The following PPP1R9A variants were observed in gnomAD, a reference collection of about 807,000 sequenced individuals.
PPP1R9A encodes the protein protein phosphatase 1 regulatory subunit 9A, also known as neurabin-1.
Under a neutral mutation model 141.9 loss-of-function variants are expected in PPP1R9A, and 59 were observed. The observed-to-expected ratio is 0.42, with a 90% CI of 0.34 to 0.52. The LOEUF (loss-of-function observed/expected upper bound fraction) is 0.52, where lower values mean the gene tolerates loss of function less well. Among genes scored for constraint, PPP1R9A ranks in the 20% least tolerant of loss-of-function variants. The pLI is 0.10. For synonymous variants in PPP1R9A, 500 were observed against 569.7 expected (o/e 0.88, Z 1.74); for missense variants, 1,444 against 1,611.9 (o/e 0.90, Z 1.78).
At position 94,909,012 on chromosome 7, in the gene PPP1R9A, A is replaced by G. The variant is rs531376832; in HGVS notation, c.-216-886A>G. Among the ~76,000 whole-genome samples, 21 of 152,348 alleles carry G rather than the reference A, an allele frequency of 1.4e-4. No homozygotes were observed. The South Asian group carries it at 2.1e-3, about 15-fold the overall frequency. On this transcript the variant is annotated intron_variant, in intron 1 of 19. Transcript: ENST00000433360. ...CTGCCTGCATTGTCTGCTCCTCAGC[A>G]TATCTTGAAGTATTTGATTGCTGGC...
At chr7:94,953,946 TTTATTTCTTTCTCTTGCCTGA>T (rs1796776830) in intron 2 of PPP1R9A, among the ~76,000 whole-genome samples, 1 of 152,134 alleles carries the variant, frequency 6.6e-6, no homozygotes, top group African/African-American at 2.4e-5. Flanking sequence ...TTGAAGACCC[TTTATTTCTTTCTCTTGCCTGA>T]TTGTCCTGGC....
chr7:95,043,176 C>A (rs1002717484), intron 2 of PPP1R9A, among the ~76,000 whole-genome samples: 1 of 152,050 alleles, frequency 6.6e-6, no homozygotes, highest in African/African-American at 2.4e-5. Flanking sequence ...AAATTAAATT[C>A]TAGAGAGACT....
chr7:95,154,451 G>A (rs1829255173), intron 4 of PPP1R9A, among the ~76,000 whole-genome samples: 1 of 152,064 alleles, frequency 6.6e-6, no homozygotes, highest in African/African-American at 2.4e-5. Context: ...AGTCTACAAA[G>A]ATTCACTTTT....
chr7:95,004,585 A>G (rs988380465), intron 2 of PPP1R9A, among the ~76,000 whole-genome samples: 1 of 152,168 alleles, frequency 6.6e-6, no homozygotes, highest in African/African-American at 2.4e-5. Flanking sequence ...TATTAATATC[A>G]ATTCTGGATA....
At chr7:94,995,843 T>C (rs556259669) in intron 2 of PPP1R9A, among the ~76,000 whole-genome samples, 53 of 152,316 alleles carry the variant, frequency 3.5e-4, no homozygotes, top group Non-Finnish European at 5.9e-4. Flanking sequence ...TCTGAGACTC[T>C]GTGATTGGAT....
chr7:94,919,395 T>G (rs975393640), intron 2 of PPP1R9A, among the ~76,000 whole-genome samples: 2 of 148,690 alleles, frequency 1.3e-5, no homozygotes, highest in African/African-American at 4.9e-5. Flanking sequence ...CCCTCTTGCC[T>G]CACCCTCCCA....
chr7:95,268,580 G>T lies in PPP1R9A; in HGVS notation c.2696G>T (p.Arg899Leu), dbSNP rs372820941. The change falls in exon 13 of 20, where the codon CGC becomes CTC. Residue 899 changes from arginine (R) to leucine (L), a missense_variant. By Grantham distance (102) the Arg-to-Leu change is moderately radical. Coordinates refer to ENST00000433360, the MANE Select transcript of PPP1R9A (RefSeq NM_001166160.2). ...DLNEAVPETE[R>L]LDSKALKTRA... ...AATGAAGCAGTCCCAGAGACAGAGC[G>T]CCTGGATTCAAAAGCACTGAAAACT... is the stretch of plus-strand genomic sequence containing the variant. 6.2e-6 allele frequency: 10 copies of T among 1,613,138 alleles called. No homozygotes were observed. Among genetic ancestry groups the T allele is most frequent in the Admixed American group, 1.7e-5 (1 of 59,940 alleles).
chr7:95,217,561 G>C (rs929170050), intron 7 of PPP1R9A, among the ~76,000 whole-genome samples: 1 of 152,130 alleles, frequency 6.6e-6, no homozygotes, highest in Admixed American at 6.5e-5. Context: ...GCTCCTCCTT[G>C]TACCTCTGGT....
chr7:95,051,649 T>G (rs921419370), intron 2 of PPP1R9A, among the ~76,000 whole-genome samples: 1 of 152,154 alleles, frequency 6.6e-6, no homozygotes, highest in African/African-American at 2.4e-5. Context: ...AAAAGTATAC[T>G]ATTTTCTGGG....
At chr7:94,999,784 T>A (rs903065928) in intron 2 of PPP1R9A, among the ~76,000 whole-genome samples, 3 of 140,606 alleles carry the variant, frequency 2.1e-5, no homozygotes, top group African/African-American at 8.4e-5. Context: ...TTATTTTATT[T>A]ATTTATTTAT....
In PPP1R9A at chr7:94,910,957, G is replaced by A. The variant is rs141626295; in HGVS notation, c.844G>A (p.Val282Met). Residue 282 changes from valine (V) to methionine (M), a missense_variant, in exon 2 of 20, where the codon GTG becomes ATG. Val to Met is a conservative substitution (Grantham distance 21). Coordinates refer to ENST00000433360, the MANE Select transcript of PPP1R9A (RefSeq NM_001166160.2). The surrounding 1 kb of genome is among the most constrained non-coding windows in gnomAD (Gnocchi z 4.5). Reference sequence around the variant, plus strand: ...GAGTAATGCAACTCCAGTACCAGAAGTGGCTTCTAAAAGTACCTCTCTAGC... The same window carrying A: ...GAGTAATGCAACTCCAGTACCAGAAATGGCTTCTAAAAGTACCTCTCTAGC... Reference protein sequence around the residue: ...HKSNATPVPEVASKSTSLASI... With the variant: ...HKSNATPVPEMASKSTSLASI... The A allele has an allele frequency of 1.2e-6, 2 of 1,614,184 alleles. No individual in the cohort carries two copies. Among genetic ancestry groups the A allele is most frequent in the East Asian group, 4.5e-5 (2 of 44,890 alleles).
intron 2 of PPP1R9A, among the ~76,000 whole-genome samples, chr7:94,928,879 T>A (rs1054624670): frequency 6.6e-6 from 1 of 152,142 alleles, no homozygotes; most frequent in African/African-American, 2.4e-5. Context: ...CCACTCCAAT[T>A]ATTTTGTGAG....
chr7:95,273,030 C>T (rs1802455960), intron 14 of PPP1R9A, among the ~76,000 whole-genome samples: 1 of 152,168 alleles, frequency 6.6e-6, no homozygotes, highest in African/African-American at 2.4e-5. Context: ...TGGGTAGAGC[C>T]TGTCCGAGAT....
intron 2 of PPP1R9A, among the ~76,000 whole-genome samples, chr7:95,026,323 CAGTT>C (rs1329477235): frequency 2.6e-5 from 4 of 152,054 alleles, no homozygotes; most frequent in East Asian, 1.9e-4. Context: ...TTCCTTCTAA[CAGTT>C]AGGCCTCTCT....
chr7:95,075,387 G>C (rs1814684623), intron 2 of PPP1R9A, among the ~76,000 whole-genome samples: 1 of 152,102 alleles, frequency 6.6e-6, no homozygotes, highest in Non-Finnish European at 1.5e-5. Context: ...CTTAAGTTCA[G>C]AGTCTAGAAC....
At chr7:95,201,772 T>C (rs1585217353) in intron 6 of PPP1R9A, among the ~76,000 whole-genome samples, 1 of 152,234 alleles carries the variant, frequency 6.6e-6, no homozygotes, top group South Asian at 2.1e-4. Context: ...TTTACTTTTA[T>C]GATTTATAGA....
chr7:95,171,744 G>A (rs763238697), intron 5 of PPP1R9A, among the ~76,000 whole-genome samples: 4 of 151,504 alleles, frequency 2.6e-5, no homozygotes, highest in African/African-American at 4.8e-5. Context: ...AGCATTAGAT[G>A]GAGAAATAAT....
intron 2 of PPP1R9A, among the ~76,000 whole-genome samples, chr7:94,930,454 C>T (rs1163294126): frequency 1.3e-5 from 2 of 152,174 alleles, no homozygotes; most frequent in African/African-American, 4.8e-5. Flanking sequence ...TCTCCTGCCT[C>T]AGCCTCCCAA....
At chr7:95,249,323 A>T (rs1238080011) in intron 9 of PPP1R9A, among the ~76,000 whole-genome samples, 1 of 152,196 alleles carries the variant, frequency 6.6e-6, no homozygotes, top group East Asian at 1.9e-4. Context: ...GAATATGTTC[A>T]TGTTCCTTGA....
Sources: allele counts gnomAD v4.1 joint callset (sites outside exome capture counted in the v4.1 genomes callset), GRCh38; gene constraint gnomAD v4.1.1; non-coding constraint Gnocchi (gnomAD v3.1); transcripts MANE v1.5; gene names NCBI Gene and HGNC (gene_info 2026-07-23, HGNC 2026-07-21).